HRH1: variants seen among roughly 807,000 people sequenced by gnomAD.
The protein encoded by HRH1 is histamine H1 receptor.
Under a neutral mutation model 10.3 loss-of-function variants are expected in HRH1, and 6 were observed. That is an observed-to-expected ratio of 0.58 (90% confidence interval 0.32 to 1.15). The LOEUF (loss-of-function observed/expected upper bound fraction) is 1.15. HRH1 is among the 50% of genes most tolerant of loss of function. The pLI is 0.05. For missense variants in HRH1, 514 were observed against 615.3 expected (o/e 0.84, Z 1.74); for synonymous variants, 242 against 236.7 (o/e 1.02, Z -0.21).
chr3:11,142,973 T>A (rs1433355066), intron 1 of HRH1, among the ~76,000 whole-genome samples: 4 of 150,384 alleles, frequency 2.7e-5, no homozygotes, highest in Non-Finnish European at 5.9e-5. Flanking sequence ...AAGGGATGAG[T>A]GTCCCAGGCA....
chr3:11,198,754 G>A (rs1465769877), intron 1 of HRH1, among the ~76,000 whole-genome samples: 5 of 145,686 alleles, frequency 3.4e-5, no homozygotes, highest in African/African-American at 1.0e-4. Flanking sequence ...AAAAAAAAAT[G>A]GGCGGACTGT....
At chr3:11,177,987 C>G (rs1937278822) in intron 1 of HRH1, among the ~76,000 whole-genome samples, 1 of 152,204 alleles carries the variant, frequency 6.6e-6, no homozygotes, top group Non-Finnish European at 1.5e-5. Flanking sequence ...TCTCAACATG[C>G]ATGCAGCCTG....
intron 1 of HRH1, among the ~76,000 whole-genome samples, chr3:11,184,641 G>A (rs959216163): frequency 1.3e-5 from 2 of 152,114 alleles, no homozygotes; most frequent in African/African-American, 4.8e-5. Context: ...TCTTGGCCGG[G>A]CCCGATGACT....
intron 1 of HRH1, among the ~76,000 whole-genome samples, chr3:11,146,409 T>G (rs972863777): frequency 1.3e-5 from 2 of 152,230 alleles, no homozygotes; most frequent in African/African-American, 4.8e-5. Flanking sequence ...TCCAGGCTTT[T>G]GAGTTTCAAA....
At chr3:11,208,743 A>G (rs749929696) in intron 1 of HRH1, among the ~76,000 whole-genome samples, 2 of 152,222 alleles carry the variant, frequency 1.3e-5, no homozygotes, top group Non-Finnish European at 2.9e-5. Flanking sequence ...ATCGCTGTAT[A>G]CCATCCCGGT....
intron 1 of HRH1, among the ~76,000 whole-genome samples, chr3:11,170,057 C>T (rs1005299214): frequency 5.3e-5 from 8 of 152,188 alleles, no homozygotes; most frequent in Admixed American, 1.3e-4. Context: ...ACTCAACAGA[C>T]GGTGCCTTGG....
At chr3:11,219,961 T>TC (rs1218717974) in intron 1 of HRH1, among the ~76,000 whole-genome samples, 1 of 150,758 alleles carries the variant, frequency 6.6e-6, no homozygotes, top group Non-Finnish European at 1.5e-5. Context: ...TTTTTTTTTT[T>TC]TTTTTTTTTA....
intron 1 of HRH1, among the ~76,000 whole-genome samples, chr3:11,221,013 C>A (rs1414677255): frequency 6.6e-6 from 1 of 152,112 alleles, no homozygotes; most frequent in Non-Finnish European, 1.5e-5. Context: ...TCTCTGGAGT[C>A]ACTACCCCCA....
At chr3:11,138,268 C>T (rs1343046270) in intron 1 of HRH1, among the ~76,000 whole-genome samples, 4 of 151,018 alleles carry the variant, frequency 2.6e-5, no homozygotes, top group Admixed American at 6.7e-5. Context: ...GTGATCTGCC[C>T]GCCTCGGCCT....
intron 1 of HRH1, among the ~76,000 whole-genome samples, chr3:11,229,586 C>T (rs1039806354): frequency 2.0e-5 from 3 of 152,170 alleles, no homozygotes; most frequent in Admixed American, 6.5e-5. Flanking sequence ...TCCTGATTAC[C>T]TCCAAGAGAG....
At chr3:11,200,997 G>A (rs1349910491) in intron 1 of HRH1, among the ~76,000 whole-genome samples, 1 of 152,156 alleles carries the variant, frequency 6.6e-6, no homozygotes, top group Non-Finnish European at 1.5e-5. Context: ...TTTTTAAGGG[G>A]GAATAGATCC....
chr3:11,181,356 A>ATTTCTGAGTCATATTGAGGAATTTCCTG (rs1937349528), intron 1 of HRH1, among the ~76,000 whole-genome samples: 3 of 152,156 alleles, frequency 2.0e-5, no homozygotes, highest in Admixed American at 1.3e-4. Flanking sequence ...TAGGAGTGGA[A>ATTTCTGAGTCATATTGAGGAATTTCCTG]TTTCTGAGTC....
rs921992715 is a variant in HRH1, at chr3:11,261,595, G to C, written c.*1094G>C. 4 of 167,070 alleles carry C rather than the reference G, an allele frequency of 2.4e-5. No individual in the cohort carries two copies. The highest frequency in any genetic ancestry group is 9.6e-5 in the African/African-American group (4 of 41,452). The allele number at this position is 167,070 out of a possible 1,614,324, so 10.3% of individuals were successfully genotyped here. A position where few individuals can be genotyped will look rare whatever the true frequency, so the allele number is the denominator to read the frequency against. On this transcript the variant is annotated 3_prime_UTR_variant, in exon 2 of 2. Transcript: ENST00000431010. ...CTCAAGCCTATAATCCCAGCATGTT[G>C]AGAGGCTGAGGTGGGCAGATCATTT...
In HRH1 at chr3:11,260,112, T is replaced by TCTC; in HGVS notation, c.1076_1078dup (p.Ser359_Arg360insPro). The TCTC allele has an allele frequency of 6.2e-7, 1 of 1,613,922 alleles. No individual in the cohort carries two copies. Among genetic ancestry groups the TCTC allele is most frequent in the East Asian group, 2.2e-5 (1 of 44,872 alleles). ...GATGTTAGGTGATAGCCAATCCTTC[T>TCTC]CTCGAACGGACTCAGATACCACCAC... On this transcript the variant is annotated inframe_insertion, in exon 2 of 2. Transcript: ENST00000431010.
At chr3:11,153,815 C>T (rs1175594044), upstream of HRH1, among the ~76,000 whole-genome samples, 1 of 152,116 alleles carries the variant, frequency 6.6e-6, no homozygotes, top group African/African-American at 2.4e-5. Context: ...AATTAAAACA[C>T]ATCCTATTTT....
In HRH1 at chr3:11,259,777, A is replaced by T. The variant is rs199522994; in HGVS notation, c.740A>T (p.Asp247Val). 6 of 1,613,890 alleles carry T rather than the reference A, an allele frequency of 3.7e-6. No individual in the cohort carries two copies. The highest frequency in any genetic ancestry group is 1.7e-5 in the Admixed American group (1 of 59,998). ...CTGAGGCCAGAGAACCCCAAGGGGG[A>T]TGCCAAGAAACCAGGGAAGGAGTCT... ...IKLRPENPKG[D>V]AKKPGKESPW... The change falls in exon 2 of 2, where the codon GAT becomes GTT. Residue 247 changes from aspartate (D) to valine (V), a missense_variant. By Grantham distance (152) the Asp-to-Val change is radical. Coordinates refer to ENST00000431010, the MANE Select transcript of HRH1 (RefSeq NM_001098212.2). The surrounding 1 kb of genome is among the most constrained non-coding windows in gnomAD (Gnocchi z 4.6).
chr3:11,197,056 C>G (rs867243993), intron 1 of HRH1, among the ~76,000 whole-genome samples: 1 of 146,772 alleles, frequency 6.8e-6, no homozygotes, highest in Admixed American at 6.9e-5. Flanking sequence ...ACTCAGGAGG[C>G]GGAGCTTGTA....
chr3:11,256,634 AC>A (rs1320222462), intron 1 of HRH1, among the ~76,000 whole-genome samples: 1 of 151,944 alleles, frequency 6.6e-6, no homozygotes, highest in Non-Finnish European at 1.5e-5. Flanking sequence ...CCCCATCTCT[AC>A]TAAAAATACA....
chr3:11,142,282 A>G (rs1008158644), intron 1 of HRH1, among the ~76,000 whole-genome samples: 15 of 152,298 alleles, frequency 9.8e-5, no homozygotes, highest in Middle Eastern at 3.4e-3. Context: ...GATTTGTAGG[A>G]CACCTTTGAC....
Sources: allele counts gnomAD v4.1 joint callset (sites outside exome capture counted in the v4.1 genomes callset), GRCh38; gene constraint gnomAD v4.1.1; non-coding constraint Gnocchi (gnomAD v3.1); transcripts MANE v1.5; gene names NCBI Gene and HGNC (gene_info 2026-07-23, HGNC 2026-07-21).